The following ARHGAP40 variants were observed in gnomAD, a reference collection of about 807,000 sequenced individuals.
ARHGAP40 encodes the protein Rho GTPase activating protein 40.
Under a neutral mutation model 73.5 loss-of-function variants are expected in ARHGAP40, and 43 were observed. That is an observed-to-expected ratio of 0.58 (90% CI 0.46 to 0.75). ARHGAP40 has a LOEUF of 0.75. ARHGAP40 is among the 30% of genes least tolerant of loss of function. The pLI is 0.00. For missense variants in ARHGAP40, 734 were observed against 861.8 expected (o/e 0.85, Z 1.86); for synonymous variants, 300 against 352.8 (o/e 0.85, Z 1.68).
chr20:38,605,138 T>C (rs770702230), intron 1 of ARHGAP40, among the ~76,000 whole-genome samples: 7 of 152,180 alleles, frequency 4.6e-5, no homozygotes, highest in Non-Finnish European at 8.8e-5. Flanking sequence ...CTTCAGGATG[T>C]AAGCCCGGAT....
At chr20:38,644,907 C>T (rs577136262) in intron 11 of ARHGAP40, among the ~76,000 whole-genome samples, 1 of 152,074 alleles carries the variant, frequency 6.6e-6, no homozygotes, top group African/African-American at 2.4e-5. Context: ...ATCTACCCAT[C>T]CATCCACCCA....
At chr20:38,649,926 A>T (rs6027040) in exon 15 of ARHGAP40, 1 of 1,074,940 alleles carries the variant, frequency 9.3e-7, no homozygotes, top group Non-Finnish European at 1.3e-6. Context: ...CCAGCATGAG[A>T]ACAAAGCTAT....
At chr20:38,608,100 T>C (rs1463382620) in intron 1 of ARHGAP40, among the ~76,000 whole-genome samples, 1 of 152,246 alleles carries the variant, frequency 6.6e-6, no homozygotes, top group Non-Finnish European at 1.5e-5. Flanking sequence ...TGTAATCAAC[T>C]CAGCTTTCTT....
chr20:38,642,699 T>C (rs2089026657), intron 10 of ARHGAP40, among the ~76,000 whole-genome samples: 1 of 151,602 alleles, frequency 6.6e-6, no homozygotes, highest in African/African-American at 2.4e-5. Flanking sequence ...CTATTAATCT[T>C]TTCTTTCTCC....
intron 9 of ARHGAP40, among the ~76,000 whole-genome samples, chr20:38,640,850 C>A (rs918752082): frequency 2.0e-5 from 3 of 152,198 alleles, no homozygotes; most frequent in African/African-American, 7.2e-5. Flanking sequence ...CCTTCCGTGA[C>A]CCCACACATC....
intron 1 of ARHGAP40, among the ~76,000 whole-genome samples, chr20:38,616,516 A>G (rs987801165): frequency 6.6e-6 from 1 of 152,210 alleles, no homozygotes; most frequent in African/African-American, 2.4e-5. Flanking sequence ...AAACATTCAC[A>G]ATTGAGGAAA....
At chr20:38,647,105 A>G in exon 13 of ARHGAP40, 1 of 1,304,978 alleles carries the variant, frequency 7.7e-7, no homozygotes, top group South Asian at 1.2e-5. Flanking sequence ...GACAGTGAGG[A>G]CATGGACAGC....
intron 1 of ARHGAP40, among the ~76,000 whole-genome samples, chr20:38,606,644 T>C (rs1026561782): frequency 6.6e-6 from 1 of 152,230 alleles, no homozygotes; most frequent in African/African-American, 2.4e-5. Context: ...AAGACCCATT[T>C]TGAGTCTAGT....
chr20:38,610,011 G>T (rs974923537), intron 1 of ARHGAP40, among the ~76,000 whole-genome samples: 6 of 152,230 alleles, frequency 3.9e-5, no homozygotes, highest in Non-Finnish European at 5.9e-5. Flanking sequence ...CTCACCCCTA[G>T]GCCAGCCTAA....
intron 9 of ARHGAP40, among the ~76,000 whole-genome samples, chr20:38,640,427 G>A (rs1049709785): frequency 5.3e-5 from 8 of 151,674 alleles, no homozygotes; most frequent in Non-Finnish European, 7.4e-5. Context: ...TCGCTATGTC[G>A]CCCAGGCTAG....
At chr20:38,614,527 C>A (rs1167343848) in intron 1 of ARHGAP40, among the ~76,000 whole-genome samples, 1 of 151,730 alleles carries the variant, frequency 6.6e-6, no homozygotes, top group African/African-American at 2.4e-5. Flanking sequence ...GGAAAAAAAA[C>A]CATTGGCCAC....
chr20:38,648,846 G>A (rs532136839), intron 14 of ARHGAP40, 148 bp downstream of exon 14: 7 of 540,964 alleles, frequency 1.3e-5, no homozygotes, highest in South Asian at 9.4e-5. Flanking sequence ...GAAACCAGGT[G>A]GAGTCCTGCT....
rs748120946 is a variant in ARHGAP40 at position 38,643,871 on chromosome 20, G to C, written c.1530G>C (p.Val510=). ...AGCTGGCAGAAGGGGCAGCCGAGGTGGTGCAGATAATGGTGCACTACCAGG... is the reference window on the plus strand; with the variant it reads ...AGCTGGCAGAAGGGGCAGCCGAGGTCGTGCAGATAATGGTGCACTACCAGG... The change falls in exon 11 of 15, where the codon GTG becomes GTC. Residue 510 remains valine (V), a synonymous_variant. Coordinates refer to ENST00000373345, the Ensembl canonical transcript of ARHGAP40. 7 of 1,304,990 alleles carry C rather than the reference G, an allele frequency of 5.4e-6. 1 individual carries two copies. In the South Asian group the frequency reaches 8.6e-5, roughly 16 times the overall value. The allele number at this position is 1,304,990 out of a possible 1,614,324, so 80.8% of individuals were successfully genotyped here.
chr20:38,634,344 C>A (rs959068912), intron 5 of ARHGAP40, among the ~76,000 whole-genome samples: 2 of 152,072 alleles, frequency 1.3e-5, no homozygotes, highest in Non-Finnish European at 2.9e-5. Flanking sequence ...AGAGCAAGAC[C>A]GTGTTTCCAA....
intron 1 of ARHGAP40, among the ~76,000 whole-genome samples, chr20:38,615,697 C>T (rs777532261): frequency 6.6e-6 from 1 of 152,110 alleles, no homozygotes; most frequent in Non-Finnish European, 1.5e-5. Context: ...CAGCCAGTGG[C>T]GTGTGCACCT....
At chr20:38,615,037 G>T (rs377067874) in intron 1 of ARHGAP40, 39 of 1,093,472 alleles carry the variant, frequency 3.6e-5, no homozygotes, top group East Asian at 1.4e-4. Flanking sequence ...AAGTTATCCG[G>T]CTTGGCATGT....
chr20:38,650,168 TC>T, exon 15 of ARHGAP40: 1 of 369,746 alleles, frequency 2.7e-6, no homozygotes, highest in East Asian at 7.3e-5. Context: ...ATGCCCTCAC[TC>T]CCCTCCACCC....
intron 2 of ARHGAP40, among the ~76,000 whole-genome samples, chr20:38,624,929 G>A (rs1221586257): frequency 1.3e-5 from 2 of 152,190 alleles, no homozygotes; most frequent in Non-Finnish European, 1.5e-5. Flanking sequence ...GGACATCATC[G>A]GCCCTTTTCA....
intron 9 of ARHGAP40, among the ~76,000 whole-genome samples, chr20:38,641,438 G>T (rs1226150103): frequency 6.6e-6 from 1 of 152,256 alleles, no homozygotes; most frequent in Admixed American, 6.5e-5. Flanking sequence ...TCTGACCCTG[G>T]GCTGCAGCCT....
Sources: allele counts gnomAD v4.1 joint callset (sites outside exome capture counted in the v4.1 genomes callset), GRCh38; gene constraint gnomAD v4.1.1; transcripts MANE v1.5; gene names NCBI Gene and HGNC (gene_info 2026-07-23, HGNC 2026-07-21).